The following TIAM1 variants were observed in gnomAD, a reference collection of about 807,000 sequenced individuals.
The protein encoded by TIAM1 is TIAM Rac1 associated GEF 1, also known as rho guanine nucleotide exchange factor TIAM1.
TIAM1 carries 65 observed loss-of-function variants against 163.5 expected under a neutral mutation model. The observed-to-expected ratio is 0.40, with a 90% CI of 0.33 to 0.49. The LOEUF (loss-of-function observed/expected upper bound fraction) is 0.49, where lower values mean the gene tolerates loss of function less well. TIAM1 is among the 20% of genes least tolerant of loss of function. The probability of loss-of-function intolerance (pLI) is 0.77; values close to 1 mark genes in which losing one functional copy is unlikely to be tolerated. For synonymous variants in TIAM1, 833 were observed against 810.1 expected (o/e 1.03, Z -0.48); for missense variants, 1,789 against 2,044.7 (o/e 0.87, Z 2.41).
chr21:31,514,656 G>C (rs938114935), intron 1 of TIAM1, among the ~76,000 whole-genome samples: 1 of 152,120 alleles, frequency 6.6e-6, no homozygotes, highest in Non-Finnish European at 1.5e-5. Context: ...TTGCACCGCT[G>C]TTCTCCAGCC....
In TIAM1 at chr21:31,245,509, C is replaced by A; in HGVS notation, c.1563G>T (p.Leu521=). The change falls in exon 6 of 28, where the codon CTG becomes CTT. Residue 521 remains leucine, a synonymous_variant. Transcript: ENST00000541036. ...AAACCTGAAAAAGGAAGGCATCACC[C>A]AGGGAATTGCTGAGGCAGAAGACAA... ...KDFVFCLSNS[L]GDAFLFQTTS... The A allele has an allele frequency of 6.6e-7, 1 of 1,525,358 alleles. No individual in the cohort carries two copies. Among genetic ancestry groups the A allele is most frequent in the Non-Finnish European group, 8.8e-7 (1 of 1,131,396 alleles). 94.5% of individuals were successfully genotyped at this position (1,525,358 alleles called of 1,614,324 possible). A position where few individuals can be genotyped will look rare whatever the true frequency, so the allele number is the denominator to read the frequency against.
At chr21:31,253,454 G>C (rs2071927597) in intron 4 of TIAM1, among the ~76,000 whole-genome samples, 1 of 152,126 alleles carries the variant, frequency 6.6e-6, no homozygotes, top group Non-Finnish European at 1.5e-5. Flanking sequence ...AACTAATACT[G>C]GCCTACACAA....
At chr21:31,184,549 G>A (rs2085191341) in intron 14 of TIAM1, among the ~76,000 whole-genome samples, 1 of 152,306 alleles carries the variant, frequency 6.6e-6, no homozygotes, top group African/African-American at 2.4e-5. Context: ...TAGTACAGAT[G>A]ACCGTTCATC....
At chr21:31,312,816 A>G (rs370384108) in intron 2 of TIAM1, among the ~76,000 whole-genome samples, 1 of 152,254 alleles carries the variant, frequency 6.6e-6, no homozygotes, top group African/African-American at 2.4e-5. Context: ...CATTCTCCCT[A>G]AGGGAAGGTT....
At chr21:31,478,505 C>T (rs1430036440) in intron 1 of TIAM1, among the ~76,000 whole-genome samples, 1 of 152,224 alleles carries the variant, frequency 6.6e-6, no homozygotes, top group Non-Finnish European at 1.5e-5. Flanking sequence ...TGGCGACTTG[C>T]TTTTTCACTC....
intron 2 of TIAM1, among the ~76,000 whole-genome samples, chr21:31,330,365 T>G (rs1224334715): frequency 6.6e-6 from 1 of 152,336 alleles, no homozygotes; most frequent in African/African-American, 2.4e-5. Context: ...AAGTTTCCAA[T>G]AAACCTGCCA....
At chr21:31,434,700 C>T (rs1003308225) in intron 2 of TIAM1, among the ~76,000 whole-genome samples, 4 of 152,152 alleles carry the variant, frequency 2.6e-5, no homozygotes. Context: ...TTGCACCTTC[C>T]ATCTTTTGAG....
intron 3 of TIAM1, among the ~76,000 whole-genome samples, chr21:31,276,316 T>G (rs901035115): frequency 1.1e-4 from 16 of 152,246 alleles, no homozygotes; most frequent in Non-Finnish European, 2.9e-5. Flanking sequence ...ATCTTTGATT[T>G]TGAAAAGATT....
intron 2 of TIAM1, among the ~76,000 whole-genome samples, chr21:31,417,092 G>A (rs1193138592): frequency 6.6e-6 from 1 of 152,004 alleles, no homozygotes; most frequent in African/African-American, 2.4e-5. Flanking sequence ...GCACAATCTC[G>A]GCTCACTGCA....
chr21:31,239,180 T>C (rs563850741), intron 6 of TIAM1, among the ~76,000 whole-genome samples: 4 of 152,258 alleles, frequency 2.6e-5, no homozygotes, highest in Admixed American at 1.3e-4. Flanking sequence ...TGGAATGCAA[T>C]GGTGCAACCA....
chr21:31,380,645 T>G (rs1312226216), intron 2 of TIAM1, among the ~76,000 whole-genome samples: 1 of 152,190 alleles, frequency 6.6e-6, no homozygotes, highest in African/African-American at 2.4e-5. Context: ...GTATGAATTA[T>G]AGTTCAATAA....
chr21:31,371,660 T>C lies in TIAM1; in HGVS notation c.-368-32238A>G, dbSNP rs74441178. 5.9e-3 allele frequency among the ~76,000 whole-genome samples: 902 copies of C among 152,320 alleles called. 8 individuals carry two copies. Among genetic ancestry groups the C allele is most frequent in the African/African-American group, 0.021 (868 of 41,570 alleles). ...CCACTTGGGTCATGATATTCCTGTT[T>C]AATGGACCACTCTAAGAGGAATGAC... On this transcript the variant is annotated intron_variant, in intron 2 of 28. Transcript: ENST00000286827.
chr21:31,486,690 C>T (rs1357402523), intron 1 of TIAM1, among the ~76,000 whole-genome samples: 15 of 152,216 alleles, frequency 9.9e-5, no homozygotes, highest in Admixed American at 9.8e-4. Context: ...GGGGAACAGG[C>T]TGGGCCATCC....
At chr21:31,525,371 A>G (rs2147504682) in intron 1 of TIAM1, among the ~76,000 whole-genome samples, 1 of 151,778 alleles carries the variant, frequency 6.6e-6, no homozygotes, top group Admixed American at 6.6e-5. Flanking sequence ...CCGTCTCAAA[A>G]AAAAAAAAAA....
At chr21:31,206,011 A>G (rs1234093605) in intron 11 of TIAM1, among the ~76,000 whole-genome samples, 1 of 152,196 alleles carries the variant, frequency 6.6e-6, no homozygotes, top group Non-Finnish European at 1.5e-5. Flanking sequence ...GATTATTGCC[A>G]CAAACCATCA....
At chr21:31,477,104 TA>T (rs2045957470) in intron 1 of TIAM1, among the ~76,000 whole-genome samples, 1 of 152,150 alleles carries the variant, frequency 6.6e-6, no homozygotes, top group Non-Finnish European at 1.5e-5. Context: ...ACTTAGCAAA[TA>T]AGCAATCTTA....
chr21:31,506,067 C>T (rs529692817), intron 1 of TIAM1, among the ~76,000 whole-genome samples: 1 of 149,888 alleles, frequency 6.7e-6, no homozygotes, highest in African/African-American at 2.4e-5. Flanking sequence ...CCAACTTGCT[C>T]AAGGTCCCAC....
chr21:31,239,864 T>G (rs1330022027), intron 6 of TIAM1, among the ~76,000 whole-genome samples: 1 of 152,220 alleles, frequency 6.6e-6, no homozygotes, highest in Admixed American at 6.5e-5. Context: ...ATAACTAGAA[T>G]TCTCCTAGGC....
At chr21:31,518,201 A>T (rs1175160806) in intron 1 of TIAM1, among the ~76,000 whole-genome samples, 1 of 152,152 alleles carries the variant, frequency 6.6e-6, no homozygotes, top group African/African-American at 2.4e-5. Flanking sequence ...TAGCCCTGCC[A>T]ATTACAGTTG....
Sources: allele counts gnomAD v4.1 joint callset (sites outside exome capture counted in the v4.1 genomes callset), GRCh38; gene constraint gnomAD v4.1.1; transcripts MANE v1.5; gene names NCBI Gene and HGNC (gene_info 2026-07-23, HGNC 2026-07-21).